The following GPC5 variants were observed in gnomAD, a reference collection of about 807,000 sequenced individuals.
The protein encoded by GPC5 is glypican 5, also known as glypican-5.
Under a neutral mutation model 53.9 loss-of-function variants are expected in GPC5, and 47 were observed. The ratio of observed to expected loss-of-function variants is 0.87; its 90% CI spans 0.69 to 1.11. The LOEUF (loss-of-function observed/expected upper bound fraction) is 1.11. Ranked by LOEUF, GPC5 falls within the 50% of genes most tolerant of loss-of-function variation. GPC5 has a pLI of 0.00. For synonymous variants in GPC5, 286 were observed against 263.3 expected (o/e 1.09, Z -0.84); for missense variants, 748 against 713.1 (o/e 1.05, Z -0.56).
intron 1 of GPC5, among the ~76,000 whole-genome samples, chr13:91,442,949 A>G (rs1880540559): frequency 6.6e-6 from 1 of 152,202 alleles, no homozygotes; most frequent in South Asian, 2.1e-4. Context: ...AAGGAAGGAT[A>G]CCTATTTGCT....
intron 5 of GPC5, among the ~76,000 whole-genome samples, chr13:91,881,903 A>G (rs974652298): frequency 6.6e-6 from 1 of 152,170 alleles, no homozygotes; most frequent in African/African-American, 2.4e-5. Context: ...ACCTAATCTA[A>G]TCCACAAAAA....
chr13:91,813,974 C>A (rs2038359007), intron 5 of GPC5, among the ~76,000 whole-genome samples: 2 of 129,664 alleles, frequency 1.5e-5, no homozygotes, highest in Admixed American at 9.1e-5. Flanking sequence ...GCTCTGTCAC[C>A]CAGGCTGGAG....
At chr13:92,740,529 A>T (rs558009863) in intron 7 of GPC5, among the ~76,000 whole-genome samples, 2 of 152,210 alleles carry the variant, frequency 1.3e-5, no homozygotes, top group South Asian at 2.1e-4. Flanking sequence ...ATGAGCAGAT[A>T]TCAAGTGCTT....
chr13:92,600,496 A>G (rs1435409366), intron 7 of GPC5, among the ~76,000 whole-genome samples: 1 of 151,472 alleles, frequency 6.6e-6, no homozygotes, highest in African/African-American at 2.4e-5. Context: ...TCATTCATTC[A>G]TTCATTCATT....
intron 7 of GPC5, among the ~76,000 whole-genome samples, chr13:92,771,033 A>T (rs1433027284): frequency 6.6e-6 from 1 of 151,760 alleles, no homozygotes; most frequent in Admixed American, 6.6e-5. Context: ...AAAAGTCCTG[A>T]CTCTCCACAA....
At chr13:91,459,288 C>T (rs1476576852) in intron 2 of GPC5, among the ~76,000 whole-genome samples, 2 of 151,806 alleles carry the variant, frequency 1.3e-5, no homozygotes, top group Admixed American at 6.6e-5. Flanking sequence ...GAGCAAGACC[C>T]TGTCTTAAAA....
chr13:92,665,046 T>C (rs1279537263), intron 7 of GPC5, among the ~76,000 whole-genome samples: 1 of 152,184 alleles, frequency 6.6e-6, no homozygotes, highest in Non-Finnish European at 1.5e-5. Flanking sequence ...TTGTAGAGTA[T>C]AATTTCATCA....
At chr13:92,619,393 G>A (rs970578798) in intron 7 of GPC5, among the ~76,000 whole-genome samples, 1 of 151,878 alleles carries the variant, frequency 6.6e-6, no homozygotes, top group African/African-American at 2.4e-5. Context: ...AGTAACATTT[G>A]TTGTATAAGC....
chr13:92,830,625 TA>T (rs1174329091), intron 7 of GPC5, among the ~76,000 whole-genome samples: 2 of 152,124 alleles, frequency 1.3e-5, no homozygotes, highest in Non-Finnish European at 2.9e-5. Context: ...GGATTTTTTT[TA>T]AAAAAGCTTT....
chr13:92,578,304 C>T (rs890590967), intron 7 of GPC5, among the ~76,000 whole-genome samples: 5 of 152,018 alleles, frequency 3.3e-5, no homozygotes, highest in African/African-American at 1.2e-4. Context: ...CAATGAGCAA[C>T]GAAGTTTGAG....
chr13:92,644,051 TAGG>T (rs1331311465), intron 7 of GPC5, among the ~76,000 whole-genome samples: 1 of 152,106 alleles, frequency 6.6e-6, no homozygotes, highest in Non-Finnish European at 1.5e-5. Context: ...TGGGGGTAGG[TAGG>T]AGGAGGATTA....
chr13:92,032,446 T>TAA (rs61099950), intron 6 of GPC5, among the ~76,000 whole-genome samples: 1 of 142,870 alleles, frequency 7.0e-6, no homozygotes, highest in African/African-American at 2.6e-5. Flanking sequence ...AATAAAAATT[T>TAA]AAAAAAAAAA....
At chr13:92,519,971 CA>C (rs1404983307) in intron 7 of GPC5, among the ~76,000 whole-genome samples, 2 of 152,130 alleles carry the variant, frequency 1.3e-5, no homozygotes, top group African/African-American at 4.8e-5. Flanking sequence ...CACAGAAATA[CA>C]AACTACCATC....
intron 7 of GPC5, among the ~76,000 whole-genome samples, chr13:92,480,866 G>A (rs1879322447): frequency 6.6e-6 from 1 of 152,138 alleles, no homozygotes; most frequent in Admixed American, 6.5e-5. Flanking sequence ...CAGGAGATTT[G>A]GCGAGGGAGG....
intron 7 of GPC5, among the ~76,000 whole-genome samples, chr13:92,515,660 T>A (rs900758124): frequency 6.6e-6 from 1 of 152,128 alleles, no homozygotes; most frequent in South Asian, 2.1e-4. Context: ...ATGAATTGAA[T>A]CAATGAACCC....
At chr13:92,203,075 C>T (rs1005407691) in intron 7 of GPC5, among the ~76,000 whole-genome samples, 3 of 152,138 alleles carry the variant, frequency 2.0e-5, no homozygotes, top group African/African-American at 4.8e-5. Flanking sequence ...TAGTTGATGA[C>T]AAACTGGATG....
chr13:92,798,350 C>T (rs978587403), intron 7 of GPC5, among the ~76,000 whole-genome samples: 1 of 151,892 alleles, frequency 6.6e-6, no homozygotes, highest in African/African-American at 2.4e-5. Flanking sequence ...CTGCTGTGTT[C>T]ATAATCGATA....
rs77883679 is a variant in GPC5, at chr13:92,224,693, C to T, written c.1561+79704C>T. 3.9e-3 allele frequency among the ~76,000 whole-genome samples: 591 copies of T among 152,306 alleles called. 9 individuals are homozygous for T. In the East Asian group the frequency reaches 0.047, roughly 12 times the overall value. ...AGAGGGTGTCTAAATGACAGTTCCA[C>T]AACCACAACCTTGACTCATAGGCTT... On this transcript the variant is annotated intron_variant, in intron 7 of 7. Transcript: ENST00000377067.
intron 7 of GPC5, among the ~76,000 whole-genome samples, chr13:92,281,760 C>T (rs1280666936): frequency 6.6e-6 from 1 of 152,162 alleles, no homozygotes; most frequent in Non-Finnish European, 1.5e-5. Context: ...TCAACATCAG[C>T]AACGACCAAA....
Sources: gnomAD v4.1 joint callset for allele counts (sites outside exome capture counted in the v4.1 genomes callset) on GRCh38, gnomAD v4.1.1 for gene constraint, MANE v1.5 for transcripts, NCBI Gene and HGNC (gene_info 2026-07-23, HGNC 2026-07-21) for gene names.